TNNI3K: variants seen among roughly 807,000 people sequenced by gnomAD.
TNNI3K encodes serine/threonine-protein kinase TNNI3K.
Under a neutral mutation model 114.5 loss-of-function variants are expected in TNNI3K, and 140 were observed. The observed-to-expected ratio is 1.22, with a 90% CI of 1.07 to 1.41. The LOEUF is 1.41. Among genes scored for constraint, TNNI3K ranks in the 40% most tolerant of loss-of-function variants. The pLI, the probability that TNNI3K is intolerant of heterozygous loss-of-function variation, is 0.00. For synonymous variants in TNNI3K, 347 were observed against 347.5 expected (o/e 1.00, Z 0.02); for missense variants, 1,125 against 1,007.6 (o/e 1.12, Z -1.58).
chr1:74,480,690 G>A lies in TNNI3K; in HGVS notation c.2122-8499G>A, dbSNP rs757727658. ...CTTGTGTTTCGGAACCAAGACCCTC[G>A]TAGGGTGCGGAGAGCATTATTGCTC... On this transcript the variant is annotated intron_variant, in intron 21 of 24. Coordinates refer to ENST00000326637, the MANE Select transcript of TNNI3K (RefSeq NM_015978.3). The A allele has an allele frequency of 1.2e-4, 85 of 717,222 alleles. 1 individual carries two copies. The highest frequency in any genetic ancestry group is 3.0e-5 in the South Asian group (2 of 67,596). The allele number at this position is 717,222 out of a possible 1,614,324, so 44.4% of individuals were successfully genotyped here.
chr1:74,321,993 A>C (rs1484852166), intron 5 of TNNI3K, among the ~76,000 whole-genome samples: 1 of 152,144 alleles, frequency 6.6e-6, no homozygotes, highest in Non-Finnish European at 1.5e-5. Flanking sequence ...TAAATTAAAA[A>C]TAGAAAAGCC....
intron 17 of TNNI3K, among the ~76,000 whole-genome samples, chr1:74,427,054 C>T (rs1665673143): frequency 6.6e-6 from 1 of 151,992 alleles, no homozygotes; most frequent in Non-Finnish European, 1.5e-5. Context: ...ATATTGCTTG[C>T]TATATCTCCT....
chr1:74,461,957 A>T (rs1419345892), intron 20 of TNNI3K, among the ~76,000 whole-genome samples: 1 of 152,270 alleles, frequency 6.6e-6, no homozygotes, highest in Non-Finnish European at 1.5e-5. Context: ...AGTGTTAATA[A>T]CATGAGAAAA....
chr1:74,331,156 G>A (rs894631091), intron 5 of TNNI3K, among the ~76,000 whole-genome samples: 2 of 152,136 alleles, frequency 1.3e-5, no homozygotes, highest in African/African-American at 4.8e-5. Context: ...AAAGGAGCAG[G>A]AAGCTGGATG....
chr1:74,541,187 T>C (rs1190833925), intron 24 of TNNI3K, among the ~76,000 whole-genome samples: 1 of 152,152 alleles, frequency 6.6e-6, no homozygotes, highest in East Asian at 1.9e-4. Context: ...GAAGTGAGCC[T>C]GGGTAGGGGG....
At chr1:74,387,782 T>C (rs974989691) in intron 17 of TNNI3K, among the ~76,000 whole-genome samples, 7 of 152,198 alleles carry the variant, frequency 4.6e-5, no homozygotes, top group African/African-American at 1.7e-4. Flanking sequence ...AACATCAATT[T>C]TTTCATTATA....
At chr1:74,294,150 G>T (rs1281695122) in intron 5 of TNNI3K, among the ~76,000 whole-genome samples, 1 of 151,572 alleles carries the variant, frequency 6.6e-6, no homozygotes, top group East Asian at 1.9e-4. Flanking sequence ...ATGATGTTTT[G>T]ATAGATTCTT....
chr1:74,404,849 T>A lies in TNNI3K; in HGVS notation c.1773-31231T>A, dbSNP rs1317906498. On this transcript the variant is annotated intron_variant, in intron 17 of 24. Coordinates refer to ENST00000326637, the MANE Select transcript of TNNI3K (RefSeq NM_015978.3). ...GTTATGATTCCGCTTCTCCTAGCCC[T>A]AAGGGGCAACCAGAGCTCTGTTAAC... Among the ~76,000 whole-genome samples, 5 of 152,218 alleles carry A rather than the reference T, an allele frequency of 3.3e-5. No homozygotes were observed. The East Asian group carries it at 9.6e-4, about 29-fold the overall frequency.
intron 2 of TNNI3K, among the ~76,000 whole-genome samples, chr1:74,237,608 A>T (rs1024307001): frequency 6.6e-6 from 1 of 152,014 alleles, no homozygotes; most frequent in African/African-American, 2.4e-5. Flanking sequence ...TGGATTTAAA[A>T]TGTAGGTTCT....
At chr1:74,460,348 A>G (rs776116574) in intron 20 of TNNI3K, among the ~76,000 whole-genome samples, 5 of 152,092 alleles carry the variant, frequency 3.3e-5, no homozygotes, top group Non-Finnish European at 7.4e-5. Flanking sequence ...TTACAAGAAC[A>G]TTTTTATCAG....
chr1:74,372,816 G>A (rs1305723558), intron 17 of TNNI3K: 2 of 151,634 alleles, frequency 1.3e-5, no homozygotes, highest in Non-Finnish European at 2.9e-5. Flanking sequence ...TGTCAGGCAG[G>A]ACCAAAAATA....
At chr1:74,353,861 C>A (rs2100479967) in intron 10 of TNNI3K, 119 bp from the exon 11 acceptor site, 1 of 1,364,280 alleles carries the variant, frequency 7.3e-7, no homozygotes, top group South Asian at 1.6e-5. Context: ...TCAAAGAAAT[C>A]AATCCTTACT....
chr1:74,441,432 G>A (rs2100673665), intron 20 of TNNI3K, among the ~76,000 whole-genome samples: 1 of 152,190 alleles, frequency 6.6e-6, no homozygotes, highest in African/African-American at 2.4e-5. Flanking sequence ...AGAAGTTCAT[G>A]ACCATTTGAG....
chr1:74,286,996 G>C (rs1657369541), intron 5 of TNNI3K, among the ~76,000 whole-genome samples: 1 of 151,850 alleles, frequency 6.6e-6, no homozygotes, highest in Non-Finnish European at 1.5e-5. Flanking sequence ...CAACAAAGAG[G>C]TAGAAACCAT....
intron 4 of TNNI3K, among the ~76,000 whole-genome samples, chr1:74,256,571 C>G (rs1256319939): frequency 6.6e-6 from 1 of 151,680 alleles, no homozygotes; most frequent in Non-Finnish European, 1.5e-5. Context: ...TCTGACTTGC[C>G]TTTTCATTTT....
intron 17 of TNNI3K, among the ~76,000 whole-genome samples, chr1:74,429,024 A>G (rs1229489383): frequency 6.6e-6 from 1 of 152,044 alleles, no homozygotes; most frequent in Non-Finnish European, 1.5e-5. Context: ...TACAATTGTT[A>G]TTATGTTTCT....
At chr1:74,371,986 CAG>C in intron 17 of TNNI3K, 1 of 149,826 alleles carries the variant, frequency 6.7e-6, no homozygotes, top group East Asian at 2.0e-4. Context: ...TAACAAAATA[CAG>C]AGTTTATTCA....
chr1:74,440,868 G>T (rs1384922733), intron 20 of TNNI3K, among the ~76,000 whole-genome samples: 13 of 152,020 alleles, frequency 8.6e-5, no homozygotes, highest in Non-Finnish European at 1.5e-4. Context: ...TGGATATACA[G>T]AAAATTGATT....
intron 23 of TNNI3K, chr1:74,512,745 GAACA>G (rs2100386423): frequency 6.6e-6 from 1 of 152,192 alleles, no homozygotes; most frequent in East Asian, 1.9e-4. Context: ...CTGAGTGAAA[GAACA>G]AACACCTACC....
Sources: gnomAD v4.1 joint callset for allele counts (sites outside exome capture counted in the v4.1 genomes callset) on GRCh38, gnomAD v4.1.1 for gene constraint, MANE v1.5 for transcripts, NCBI Gene and HGNC (gene_info 2026-07-23, HGNC 2026-07-21) for gene names.